Variants in PLCB1 observed in about 807,000 individuals in gnomAD.
PLCB1 encodes the protein 1-phosphatidylinositol 4,5-bisphosphate phosphodiesterase beta-1.
In PLCB1, 46 loss-of-function variants were observed where a neutral mutation model predicts 161.8. The ratio of observed to expected loss-of-function variants is 0.28; its 90% CI spans 0.22 to 0.36. The LOEUF (loss-of-function observed/expected upper bound fraction) is 0.36, where lower values mean the gene tolerates loss of function less well. Ranked by LOEUF, PLCB1 falls within the 10% of genes least tolerant of loss-of-function variation. The pLI, the probability that PLCB1 is intolerant of heterozygous loss-of-function variation, is 1.00. For missense variants in PLCB1, 1,016 were observed against 1,472.5 expected (o/e 0.69, Z 5.07); for synonymous variants, 517 against 503.7 (o/e 1.03, Z -0.35).
At chr20:8,703,592 A>G (rs1169264105) in intron 11 of PLCB1, among the ~76,000 whole-genome samples, 1 of 152,186 alleles carries the variant, frequency 6.6e-6, no homozygotes, top group Non-Finnish European at 1.5e-5. Context: ...GGAACAGCAG[A>G]TGAGCTTGGA....
At chr20:8,310,402 G>A (rs995390257) in intron 2 of PLCB1, among the ~76,000 whole-genome samples, 3 of 152,164 alleles carry the variant, frequency 2.0e-5, no homozygotes, top group African/African-American at 7.2e-5. Context: ...GATGCTGAGT[G>A]AAAGAAGCCT....
At position 8,253,349 on chromosome 20, in the gene PLCB1, T is replaced by C. The variant is rs781164280; in HGVS notation, c.177+102978T>C. On this transcript the variant is annotated intron_variant, in intron 2 of 31. Transcript: ENST00000338037. ...CTAGTCCATTTCATTGGCACCCTTG[T>C]CAAAAATTAATTGATTTTATATATG... is the stretch of plus-strand genomic sequence containing the variant. Among the ~76,000 whole-genome samples the C allele has an allele frequency of 3.9e-4, 60 of 152,024 alleles. 1 individual carries two copies. Among genetic ancestry groups the C allele is most frequent in the Non-Finnish European group, 8.5e-4 (58 of 67,956 alleles).
chr20:8,608,115 G>A (rs6039208), intron 3 of PLCB1, among the ~76,000 whole-genome samples: 120,046 of 152,020 alleles, frequency 0.79, 47,625 homozygotes, highest in East Asian at 0.83. Context: ...GTAAAATGTA[G>A]AGATCATCAA....
At chr20:8,336,592 G>C (rs1416368979) in intron 2 of PLCB1, among the ~76,000 whole-genome samples, 1 of 152,104 alleles carries the variant, frequency 6.6e-6, no homozygotes, top group Non-Finnish European at 1.5e-5. Context: ...TGGGGTGTGA[G>C]ATTTCAAACA....
At chr20:8,551,486 G>C (rs942062546) in intron 3 of PLCB1, among the ~76,000 whole-genome samples, 1 of 152,170 alleles carries the variant, frequency 6.6e-6, no homozygotes. Flanking sequence ...TCTTCGAAGG[G>C]TGTGACCTTT....
chr20:8,342,135 G>C (rs192700644), intron 2 of PLCB1, among the ~76,000 whole-genome samples: 40 of 152,266 alleles, frequency 2.6e-4, no homozygotes, highest in Non-Finnish European at 5.0e-4. Flanking sequence ...AGAATTTAAA[G>C]GTTTGGCTTT....
intron 2 of PLCB1, among the ~76,000 whole-genome samples, chr20:8,265,373 G>A (rs1188314256): frequency 6.6e-6 from 1 of 152,156 alleles, no homozygotes; most frequent in Non-Finnish European, 1.5e-5. Flanking sequence ...CAAGCGAATG[G>A]CGAAGTACCA....
chr20:8,785,977 C>A (rs369535817), intron 27 of PLCB1, among the ~76,000 whole-genome samples: 4 of 152,086 alleles, frequency 2.6e-5, no homozygotes, highest in African/African-American at 9.7e-5. Flanking sequence ...CCTCCCACTT[C>A]AAGTCTGGCA....
rs200488140 is a variant in PLCB1, at chr20:8,645,010, A to G, written c.385-1092A>G. Among the ~76,000 whole-genome samples the G allele has an allele frequency of 1.4e-4, 22 of 152,274 alleles. No homozygotes were observed. The South Asian group carries it at 1.9e-3, about 13-fold the overall frequency. ...AAAAATTCTTATCCTGTTGATCTGTAACCTTACCCCCAACCCTGTGCTCTC... is the reference window on the plus strand; with the variant it reads ...AAAAATTCTTATCCTGTTGATCTGTGACCTTACCCCCAACCCTGTGCTCTC... On this transcript the variant is annotated intron_variant, in intron 4 of 31. Transcript: ENST00000338037.
rs180942431 is a variant in PLCB1, at chr20:8,409,805, C to A, written c.246+38355C>A. ...AAGAGTGGGGATCAATAATAGGAGACAATAAACAAGCAAATAAATAATATT... is the reference window on the plus strand; with the variant it reads ...AAGAGTGGGGATCAATAATAGGAGAAAATAAACAAGCAAATAAATAATATT... On this transcript the variant is annotated intron_variant, in intron 3 of 31. Transcript: ENST00000338037. Among the ~76,000 whole-genome samples, 161 of 151,932 alleles carry A rather than the reference C, an allele frequency of 1.1e-3. No homozygotes were observed. In the Middle Eastern group the frequency reaches 0.014, roughly 13 times the overall value.
At chr20:8,334,937 C>T (rs1385114874) in intron 2 of PLCB1, among the ~76,000 whole-genome samples, 5 of 152,154 alleles carry the variant, frequency 3.3e-5, no homozygotes, top group East Asian at 3.9e-4. Context: ...GTTCAGACAT[C>T]GAGTTTCAGA....
chr20:8,757,739 G>C (rs1453428207), intron 24 of PLCB1, among the ~76,000 whole-genome samples: 3 of 151,988 alleles, frequency 2.0e-5, no homozygotes, highest in African/African-American at 7.3e-5. Context: ...CTTATTGAAG[G>C]CCACAGTGCC....
chr20:8,688,911 A>G (rs1990413757), intron 10 of PLCB1, among the ~76,000 whole-genome samples: 1 of 152,166 alleles, frequency 6.6e-6, no homozygotes, highest in African/African-American at 2.4e-5. Flanking sequence ...TGGAGATTGC[A>G]TTGAATTTGT....
intron 2 of PLCB1, among the ~76,000 whole-genome samples, chr20:8,193,435 G>A (rs1352042082): frequency 1.3e-5 from 2 of 151,918 alleles, no homozygotes; most frequent in African/African-American, 4.8e-5. Flanking sequence ...AGAAAAAGAG[G>A]AGGAGGAGAA....
intron 3 of PLCB1, among the ~76,000 whole-genome samples, chr20:8,604,510 A>G (rs1987700852): frequency 6.6e-6 from 1 of 152,158 alleles, no homozygotes; most frequent in South Asian, 2.1e-4. Flanking sequence ...CATATAAAAC[A>G]GAGTATCTGT....
At chr20:8,267,583 G>A (rs1982036476) in intron 2 of PLCB1, among the ~76,000 whole-genome samples, 1 of 152,030 alleles carries the variant, frequency 6.6e-6, no homozygotes. Flanking sequence ...TCAGACTCTG[G>A]TTTTAGAAAA....
At chr20:8,541,562 G>GAAAGAA (rs1555769018) in intron 3 of PLCB1, among the ~76,000 whole-genome samples, 1 of 114,420 alleles carries the variant, frequency 8.7e-6, no homozygotes, top group African/African-American at 3.7e-5. Context: ...AAGGAAGAAA[G>GAAAGAA]AGAAAGAAAG....
intron 31 of PLCB1, among the ~76,000 whole-genome samples, chr20:8,874,266 T>A (rs1302302293): frequency 6.8e-6 from 1 of 147,286 alleles, no homozygotes; most frequent in Non-Finnish European, 1.5e-5. Flanking sequence ...GCACAACAGA[T>A]GCTCCCAGAG....
At chr20:8,611,263 A>G (rs1238708938) in intron 3 of PLCB1, among the ~76,000 whole-genome samples, 2 of 152,230 alleles carry the variant, frequency 1.3e-5, no homozygotes, top group East Asian at 3.9e-4. Context: ...ACAAGAAACT[A>G]AAATGGTGCC....
Sources: gnomAD v4.1 joint callset for allele counts (sites outside exome capture counted in the v4.1 genomes callset) on GRCh38, gnomAD v4.1.1 for gene constraint, MANE v1.5 for transcripts, NCBI Gene and HGNC (gene_info 2026-07-23, HGNC 2026-07-21) for gene names.